The following DNAAF4 variants were observed in gnomAD, a reference collection of about 807,000 sequenced individuals.
DNAAF4 encodes dynein assembly factor 4, axonemal.
DNAAF4 carries 43 observed loss-of-function variants against 51.8 expected under a neutral mutation model. That is an observed-to-expected ratio of 0.83 (90% CI 0.65 to 1.07). DNAAF4 has a LOEUF of 1.07. Among genes scored for constraint, DNAAF4 ranks in the 50% least tolerant of loss-of-function variants. The pLI is 0.00. For missense variants in DNAAF4, 581 were observed against 493.0 expected, an observed-to-expected ratio of 1.18 and a Z score of -1.69; for synonymous variants, 194 against 165.6, an observed-to-expected ratio of 1.17 and a Z score of -1.32.
intron 5 of DNAAF4, among the ~76,000 whole-genome samples, chr15:55,461,072 T>A (rs964284677): frequency 1.3e-5 from 2 of 149,590 alleles, no homozygotes; most frequent in African/African-American, 4.9e-5. Flanking sequence ...GCCATCTCAA[T>A]AATTTTTTTT....
At chr15:55,444,632 T>G (rs766320358) in intron 6 of DNAAF4, among the ~76,000 whole-genome samples, 1 of 152,210 alleles carries the variant, frequency 6.6e-6, no homozygotes. Flanking sequence ...TAAATTACCT[T>G]GGGCAGCACG....
At position 55,491,275 on chromosome 15, in the gene DNAAF4, T is replaced by C; in HGVS notation, c.272-19A>G. 3 of 1,593,452 alleles carry C rather than the reference T, an allele frequency of 1.9e-6. No individual in the cohort carries two copies. The South Asian group carries it at 3.4e-5, about 18-fold the overall frequency. Reference sequence around the variant, plus strand: ...TTGTCAACTAAAATGTACAGAATATTGCTAAATTAGAATTATGACAAATTT... The same window carrying C: ...TTGTCAACTAAAATGTACAGAATATCGCTAAATTAGAATTATGACAAATTT... On this transcript the variant is annotated intron_variant, in intron 3 of 9. Transcript: ENST00000321149.
intron 4 of DNAAF4, among the ~76,000 whole-genome samples, chr15:55,480,773 C>G (rs2058398499): frequency 6.6e-6 from 1 of 152,178 alleles, no homozygotes; most frequent in African/African-American, 2.4e-5. Flanking sequence ...AGACACTGCC[C>G]AAAGTATGCC....
Position 55,504,675 on chromosome 15 carries a change from G to A in DNAAF4, c.-256+3447C>T, listed in dbSNP as rs544396459. ...TGATAAAAACAAGCAATGGGGAAAT[G>A]ATTCCCTATTTAATAAATGTGCTGG... On this transcript the variant is annotated intron_variant, in intron 1 of 9. Coordinates refer to ENST00000321149, the MANE Select transcript of DNAAF4 (RefSeq NM_130810.4). 2.6e-3 allele frequency among the ~76,000 whole-genome samples: 401 copies of A among 152,280 alleles called. 1 individual carries two copies. The highest frequency in any genetic ancestry group is 9.0e-3 in the African/African-American group (375 of 41,554).
chr15:55,448,382 C>A (rs2057872549), intron 6 of DNAAF4, among the ~76,000 whole-genome samples: 1 of 150,042 alleles, frequency 6.7e-6, no homozygotes, highest in Admixed American at 6.8e-5. Flanking sequence ...TTTATATTTT[C>A]ATTTTTCTGT....
intron 1 of DNAAF4, among the ~76,000 whole-genome samples, chr15:55,506,076 A>G (rs1348544820): frequency 6.6e-6 from 1 of 152,158 alleles, no homozygotes; most frequent in Non-Finnish European, 1.5e-5. Flanking sequence ...TCAGCTTGGT[A>G]TTCTATGAGA....
At chr15:55,478,429 A>G (rs2058364633) in intron 4 of DNAAF4, among the ~76,000 whole-genome samples, 1 of 152,220 alleles carries the variant, frequency 6.6e-6, no homozygotes, top group South Asian at 2.1e-4. Flanking sequence ...TGATGCAGAC[A>G]ACGTTCTGGA....
At chr15:55,450,787 C>T (rs959883287) in intron 5 of DNAAF4, among the ~76,000 whole-genome samples, 3 of 152,024 alleles carry the variant, frequency 2.0e-5, no homozygotes, top group African/African-American at 4.8e-5. Flanking sequence ...AGGTTTTAGC[C>T]ATCAAAGAGA....
rs376239696 is a variant in DNAAF4, at chr15:55,434,959, A to G, written c.993T>C (p.Ala331=). The change falls in exon 8 of 10, where the codon GCT becomes GCC. Residue 331 remains alanine, a synonymous_variant. Coordinates refer to ENST00000321149, the MANE Select transcript of DNAAF4 (RefSeq NM_130810.4). ...NKMPLLYLNR[A]ACHLKLKNLH... is the part of the protein sequence containing the mutation. Reference sequence around the variant, plus strand: ...AGTTTTTTAGTTTTAGGTGGCAAGCAGCCCGGTTCAAATACAATAGTGGCA... The same window carrying G: ...AGTTTTTTAGTTTTAGGTGGCAAGCGGCCCGGTTCAAATACAATAGTGGCA... 1.9e-5 allele frequency: 31 copies of G among 1,613,120 alleles called. No homozygotes were observed. The highest frequency in any genetic ancestry group is 2.6e-5 in the Non-Finnish European group (31 of 1,179,848).
intron 7 of DNAAF4, among the ~76,000 whole-genome samples, chr15:55,437,402 C>T (rs1409796217): frequency 2.6e-5 from 4 of 151,976 alleles, no homozygotes; most frequent in Non-Finnish European, 4.4e-5. Flanking sequence ...TCCAGCTAAA[C>T]GCCACAAAAC....
intron 4 of DNAAF4, among the ~76,000 whole-genome samples, chr15:55,469,671 T>G (rs1219735813): frequency 2.0e-5 from 3 of 151,640 alleles, no homozygotes; most frequent in Non-Finnish European, 4.4e-5. Context: ...TTTATATTTT[T>G]AGTAGAGACG....
intron 7 of DNAAF4, among the ~76,000 whole-genome samples, chr15:55,438,817 A>G (rs991801563): frequency 2.6e-5 from 4 of 152,030 alleles, no homozygotes; most frequent in Non-Finnish European, 5.9e-5. Flanking sequence ...ATGGATAAGA[A>G]TAATCAAAAC....
rs1043319663 is a variant in DNAAF4 at position 55,442,868 on chromosome 15, T to C, written c.784-3287A>G. ...GCCATCATTGCACACATACCAACAGTAGCATCAATCATGGTTGCAATGGCA... is the reference window on the plus strand; with the variant it reads ...GCCATCATTGCACACATACCAACAGCAGCATCAATCATGGTTGCAATGGCA... On this transcript the variant is annotated intron_variant, in intron 6 of 9. Coordinates refer to ENST00000321149, the MANE Select transcript of DNAAF4 (RefSeq NM_130810.4). 12 of 1,612,376 alleles carry C rather than the reference T, an allele frequency of 7.4e-6. No individual in the cohort carries two copies. In the African/African-American group the frequency reaches 1.2e-4, roughly 16 times the overall value.
In DNAAF4 at chr15:55,491,219, A is replaced by T. The variant is rs762053085; in HGVS notation, c.309T>A (p.Ser103=). ...KEMMQRIREK[S]ILQAQERAKE... ...TTGCTCTCTCTTGTGCTTGTAAAATAGATTTTTCTCTAATTCTTTGCATCA... is the reference window on the plus strand; with the variant it reads ...TTGCTCTCTCTTGTGCTTGTAAAATTGATTTTTCTCTAATTCTTTGCATCA... Residue 103 remains serine, a synonymous_variant, in exon 4 of 10, where the codon TCT becomes TCA. Transcript: ENST00000321149. 4 of 1,613,732 alleles carry T rather than the reference A, an allele frequency of 2.5e-6. No homozygotes were observed. The East Asian group carries it at 8.9e-5, about 36-fold the overall frequency.
At chr15:55,425,448 G>C (rs1016525843), downstream of DNAAF4, among the ~76,000 whole-genome samples, 2 of 151,986 alleles carry the variant, frequency 1.3e-5, no homozygotes, top group African/African-American at 4.8e-5. Flanking sequence ...ACCCCTACTT[G>C]TCCATGCCAT....
chr15:55,429,441 C>G (rs1217694545), downstream of DNAAF4, among the ~76,000 whole-genome samples: 1 of 150,064 alleles, frequency 6.7e-6, no homozygotes, highest in Non-Finnish European at 1.5e-5. Flanking sequence ...TCCCTTAAAC[C>G]TGGGAGGTGG....
chr15:55,495,859 T>C (rs1283027730), intron 3 of DNAAF4, among the ~76,000 whole-genome samples: 1 of 152,212 alleles, frequency 6.6e-6, no homozygotes, highest in African/African-American at 2.4e-5. Context: ...TTACTGACTA[T>C]GGAAGCTGAT....
downstream of DNAAF4, among the ~76,000 whole-genome samples, chr15:55,425,561 A>T (rs751721742): frequency 1.6e-5 from 2 of 128,702 alleles, no homozygotes; most frequent in Non-Finnish European, 3.2e-5. Context: ...TTTCCTTATT[A>T]TAAGTTACTG....
chr15:55,473,198 A>AAAATATATATAT lies in DNAAF4; in HGVS notation c.406-6038_406-6037insATATATATATTT, dbSNP rs1209754897. 1.5e-3 allele frequency among the ~76,000 whole-genome samples: 113 copies of AAAATATATATAT among 75,738 alleles called. 3 individuals carry two copies. The highest frequency in any genetic ancestry group is 3.7e-3 in the East Asian group (9 of 2,422). The allele number at this position is 75,738 out of a possible 152,430, so 49.7% of individuals were successfully genotyped here. The stretch of plus-strand genomic sequence containing the variant: ...ACAAAAAAAAAACCTAAAAAAAAAA[A>AAAATATATATAT]ATATATATATATATATATATATATG... On this transcript the variant is annotated intron_variant, in intron 4 of 9. Transcript: ENST00000321149.
Sources: allele counts gnomAD v4.1 joint callset (sites outside exome capture counted in the v4.1 genomes callset), GRCh38; gene constraint gnomAD v4.1.1; transcripts MANE v1.5; gene names NCBI Gene and HGNC (gene_info 2026-07-23, HGNC 2026-07-21).